A4GALT: variants seen among roughly 807,000 people sequenced by gnomAD.
A4GALT encodes alpha 1,4-galactosyltransferase (P1PK blood group), also known as lactosylceramide 4-alpha-galactosyltransferase.
For missense variants in A4GALT, 512 were observed against 486.0 expected, an observed-to-expected ratio of 1.05 and a Z score of -0.50; for synonymous variants, 257 against 220.7, an observed-to-expected ratio of 1.16 and a Z score of -1.46.
chr22:42,715,645 T>C (rs1334124430), intron 1 of A4GALT, among the ~76,000 whole-genome samples: 6 of 151,758 alleles, frequency 4.0e-5, no homozygotes, highest in Non-Finnish European at 8.8e-5. Flanking sequence ...GCCCAGGAGG[T>C]TGAGGCTGTA....
Position 42,693,038 on chromosome 22 carries a change from G to C in A4GALT, c.914C>G (p.Pro305Arg). 1.9e-6 allele frequency: 3 copies of C among 1,612,550 alleles called. No homozygotes were observed. The highest frequency in any genetic ancestry group is 2.5e-6 in the Non-Finnish European group (3 of 1,179,020). Residue 305 changes from proline to arginine, a missense_variant, in exon 3 of 3, where the codon CCG becomes CGG. Physicochemically the swap from Pro to Arg is moderately radical, Grantham distance 103. Transcript: ENST00000642412. Reference protein sequence around the residue: ...YFEDINPEELPRLLSATYAVH... With the variant: ...YFEDINPEELRRLLSATYAVH... ...AGCATAGGTGGCACTGAGCAGCCGC[G>C]GCAGCTCCTCGGGGTTGATGTCCTC...
chr22:42,704,254 G>A (rs1920953761), intron 1 of A4GALT, among the ~76,000 whole-genome samples: 1 of 152,260 alleles, frequency 6.6e-6, no homozygotes, highest in East Asian at 1.9e-4. Context: ...AGGCCAAGGT[G>A]GGCAAATCAT....
intron 1 of A4GALT, among the ~76,000 whole-genome samples, chr22:42,706,352 C>CT (rs1491145999): frequency 0.038 from 1,973 of 51,598 alleles, 273 homozygotes; most frequent in African/African-American, 0.13. Context: ...GAGACTCCAT[C>CT]CCAAAAAAAA....
rs1322276395 is a variant in A4GALT, at chr22:42,693,165, A to G, written c.787T>C (p.Ser263Pro). The change falls in exon 3 of 3, where the codon TCC becomes CCC. Residue 263 changes from serine to proline, a missense_variant. Transcript: ENST00000642412. ...LLTRVFKKWCSIRSLAESRAC... is the reference protein window; with the variant it reads ...LLTRVFKKWCPIRSLAESRAC... ...CGGCTCTCGGCCAGGCTGCGGATGGAACACCACTTCTTGAAGACCCGCGTG... is the reference window on the plus strand; with the variant it reads ...CGGCTCTCGGCCAGGCTGCGGATGGGACACCACTTCTTGAAGACCCGCGTG... 1.3e-6 allele frequency: 2 copies of G among 1,597,612 alleles called. No homozygotes were observed. The highest frequency in any genetic ancestry group is 1.7e-6 in the Non-Finnish European group (2 of 1,173,422).
chr22:42,692,559 G>T lies in A4GALT; in HGVS notation c.*331C>A, dbSNP rs1054738498. 24 of 477,464 alleles carry T rather than the reference G, an allele frequency of 5.0e-5. No individual in the cohort carries two copies. The highest frequency in any genetic ancestry group is 4.4e-4 in the African/African-American group (23 of 51,714). 29.6% of individuals were successfully genotyped at this position (477,464 alleles called of 1,614,324 possible). ...CCTTAGCACCGGCCTCTGCCCTCGT[G>T]GGCACCTCTGTCCCAACTGCCTGGC... On this transcript the variant is annotated 3_prime_UTR_variant, in exon 3 of 3. Coordinates refer to ENST00000642412, the MANE Select transcript of A4GALT (RefSeq NM_017436.7). The surrounding 1 kb of genome is among the most constrained non-coding windows in gnomAD (Gnocchi z 4.6).
chr22:42,699,910 A>C (rs1931186366), intron 1 of A4GALT, among the ~76,000 whole-genome samples: 1 of 152,170 alleles, frequency 6.6e-6, no homozygotes, highest in East Asian at 1.9e-4. Context: ...GAGTAGAAGG[A>C]AAGGCTGAGG....
At chr22:42,708,110 G>A (rs9620084) in intron 1 of A4GALT, among the ~76,000 whole-genome samples, 24,467 of 106,376 alleles carry the variant, frequency 0.23, 4,441 homozygotes, top group Non-Finnish European at 0.3. Context: ...AAAATTAGCC[G>A]GGTGTGGTGG....
rs896726608 is a variant in A4GALT at position 42,705,716 on chromosome 22, T to C, written c.-187-10085A>G. ...AAAATAAAAACACTTTAAAAAGTAA[T>C]TCCAGGCCAGGTGCGGTGGCTCACA... is the stretch of plus-strand genomic sequence containing the variant. On this transcript the variant is annotated intron_variant, in intron 1 of 2. Transcript: ENST00000642412. Among the ~76,000 whole-genome samples, 6 of 124,816 alleles carry C rather than the reference T, an allele frequency of 4.8e-5. 1 individual carries two copies. The highest frequency in any genetic ancestry group is 1.6e-4 in the African/African-American group (6 of 38,572). The allele number at this position is 124,816 out of a possible 152,430, so 81.9% of individuals were successfully genotyped here.
chr22:42,711,843 G>T (rs747190332), intron 1 of A4GALT, among the ~76,000 whole-genome samples: 1 of 151,994 alleles, frequency 6.6e-6, no homozygotes, highest in Admixed American at 6.6e-5. Context: ...GGCTGGTCTC[G>T]AACTCCTGAC....
Position 42,693,367 on chromosome 22 carries a change from G to T in A4GALT, c.585C>A (p.Phe195Leu). ...KFGGIYLDTD[F>L]IVLKNLRNLT... ...GGTTCCGCAGGTTCTTGAGAACAAT[G>T]AAGTCCGTGTCCAGGTAGATGCCGC... Residue 195 changes from phenylalanine (F) to leucine (L), a missense_variant, in exon 3 of 3, where the codon TTC becomes TTA. Transcript: ENST00000642412. 6.2e-7 allele frequency: 1 copy of T among 1,613,338 alleles called. No individual in the cohort carries two copies. Among genetic ancestry groups the T allele is most frequent in the East Asian group, 2.2e-5 (1 of 44,876 alleles).
At chr22:42,718,804 G>A (rs1322522240) in intron 1 of A4GALT, among the ~76,000 whole-genome samples, 1 of 152,168 alleles carries the variant, frequency 6.6e-6, no homozygotes, top group Non-Finnish European at 1.5e-5. Context: ...TGAAAATGCA[G>A]GGTGATCAAC....
intron 1 of A4GALT, among the ~76,000 whole-genome samples, chr22:42,720,047 G>A (rs768531840): frequency 6.0e-4 from 91 of 152,292 alleles, no homozygotes; most frequent in Admixed American, 1.1e-3. Flanking sequence ...AGTGAAACGG[G>A]ATGGGCGCTG....
Position 42,693,537 on chromosome 22 carries a change from C to T in A4GALT, c.415G>A (p.Val139Ile). 1 of 1,613,408 alleles carries T rather than the reference C, an allele frequency of 6.2e-7. No homozygotes were observed. Among genetic ancestry groups the T allele is most frequent in the South Asian group, 1.1e-5 (1 of 91,080 alleles). Residue 139 changes from valine (V) to isoleucine (I), a missense_variant, in exon 3 of 3, where the codon GTC (valine) becomes ATC (isoleucine). Transcript: ENST00000642412. The stretch of plus-strand genomic sequence containing the variant: ...CGCAGGTCCAGCGGGAGCATCTGGA[C>T]ATTCGGGAAGCAGCTCAGAAGTGAG... ...GISLLSCFPN[V>I]QMLPLDLREL...
chr22:42,714,033 T>C (rs1274516536), intron 1 of A4GALT, among the ~76,000 whole-genome samples: 1 of 151,768 alleles, frequency 6.6e-6, no homozygotes, highest in East Asian at 1.9e-4. Context: ...GGCGCATGCC[T>C]GTAATCCCAG....
At chr22:42,717,822 T>A (rs947205884) in intron 1 of A4GALT, among the ~76,000 whole-genome samples, 1 of 152,062 alleles carries the variant, frequency 6.6e-6, no homozygotes, top group African/African-American at 2.4e-5. Flanking sequence ...TGGGGAAAGA[T>A]CCTTGGCACA....
At chr22:42,716,921 G>GT (rs1922233506) in intron 1 of A4GALT, among the ~76,000 whole-genome samples, 2 of 152,222 alleles carry the variant, frequency 1.3e-5, no homozygotes, top group Admixed American at 1.3e-4. Context: ...CACTCTTCCT[G>GT]TTTCGCTCTC....
chr22:42,714,227 C>A (rs1487150277), intron 1 of A4GALT, among the ~76,000 whole-genome samples: 1 of 132,992 alleles, frequency 7.5e-6, no homozygotes, highest in Non-Finnish European at 1.5e-5. Context: ...GTGAGCTATG[C>A]TCATACCACC....
At chr22:42,698,944 GTCA>G (rs1931122114) in intron 1 of A4GALT, among the ~76,000 whole-genome samples, 1 of 118,580 alleles carries the variant, frequency 8.4e-6, no homozygotes, top group Admixed American at 7.8e-5. Context: ...CCATCGCAAC[GTCA>G]GGAAGTTACC....
chr22:42,692,542 C>A lies in A4GALT; in HGVS notation c.*348G>T. The A allele has an allele frequency of 2.3e-6, 1 of 443,420 alleles. No individual in the cohort carries two copies. The highest frequency in any genetic ancestry group is 4.4e-6 in the Non-Finnish European group (1 of 225,242). 27.5% of individuals were successfully genotyped at this position (443,420 alleles called of 1,614,324 possible). A position where few individuals can be genotyped will look rare whatever the true frequency, so the allele number is the denominator to read the frequency against. On this transcript the variant is annotated 3_prime_UTR_variant, in exon 3 of 3. Coordinates refer to ENST00000642412, the MANE Select transcript of A4GALT (RefSeq NM_017436.7). This position sits in a 1 kb window ranked among gnomAD's most constrained non-coding sequence, Gnocchi z 4.6. ...TCCCTTCTTCCCCATCCCCTTAGCA[C>A]CGGCCTCTGCCCTCGTGGGCACCTC...
Sources: allele counts gnomAD v4.1 joint callset (sites outside exome capture counted in the v4.1 genomes callset), GRCh38; gene constraint gnomAD v4.1.1; non-coding constraint Gnocchi (gnomAD v3.1); transcripts MANE v1.5; gene names NCBI Gene and HGNC (gene_info 2026-07-23, HGNC 2026-07-21).